Variants in PTPRM observed in about 807,000 individuals in gnomAD.
The protein encoded by PTPRM is receptor-type tyrosine-protein phosphatase mu.
In PTPRM, 47 loss-of-function variants were observed where a neutral mutation model predicts 186.7. The ratio of observed to expected loss-of-function variants is 0.25; its 90% CI spans 0.20 to 0.32. PTPRM has a LOEUF of 0.32. PTPRM is among the 10% of genes least tolerant of loss of function. The pLI is 1.00. For synonymous variants in PTPRM, 668 were observed against 674.9 expected, an observed-to-expected ratio of 0.99 and a Z score of 0.16; for missense variants, 1,494 against 1,865.0, an observed-to-expected ratio of 0.80 and a Z score of 3.66.
At chr18:8,051,145 G>A (rs995895297) in intron 7 of PTPRM, among the ~76,000 whole-genome samples, 6 of 152,260 alleles carry the variant, frequency 3.9e-5, no homozygotes, top group South Asian at 2.1e-4. Context: ...CTTTAATGAC[G>A]TATGATCTTG....
chr18:7,839,620 G>T (rs1459300169), intron 2 of PTPRM, among the ~76,000 whole-genome samples: 1 of 152,204 alleles, frequency 6.6e-6, no homozygotes, highest in Non-Finnish European at 1.5e-5. Flanking sequence ...GAGAGATGGG[G>T]TCTCTGTTGG....
At chr18:7,683,045 T>C (rs1044868134) in intron 1 of PTPRM, among the ~76,000 whole-genome samples, 2 of 152,182 alleles carry the variant, frequency 1.3e-5, no homozygotes, top group Admixed American at 6.5e-5. Flanking sequence ...TTTGAGGTCA[T>C]GTCCATGAGG....
intron 22 of PTPRM, among the ~76,000 whole-genome samples, chr18:8,325,590 AT>A: frequency 1.3e-5 from 2 of 152,120 alleles, no homozygotes; most frequent in Non-Finnish European, 2.9e-5. Flanking sequence ...GGTTGATTCC[AT>A]GTCTTTGCCA....
At chr18:7,823,173 A>G (rs2045297525) in intron 2 of PTPRM, among the ~76,000 whole-genome samples, 1 of 152,178 alleles carries the variant, frequency 6.6e-6, no homozygotes, top group Non-Finnish European at 1.5e-5. Flanking sequence ...GATGCTTACA[A>G]AGCTTCCCCA....
intron 1 of PTPRM, among the ~76,000 whole-genome samples, chr18:7,766,138 ATG>A (rs1280025658): frequency 2.0e-5 from 3 of 152,200 alleles, no homozygotes; most frequent in Non-Finnish European, 4.4e-5. Context: ...CTTGGTGAAA[ATG>A]TGTGAGTACA....
intron 14 of PTPRM, among the ~76,000 whole-genome samples, chr18:8,207,253 T>C (rs112020967): frequency 0.043 from 6,559 of 152,254 alleles, 210 homozygotes; most frequent in Middle Eastern, 0.071. Context: ...CCGGATGATA[T>C]TTCACCAGAA....
At chr18:8,255,457 T>A (rs1024724374) in intron 19 of PTPRM, among the ~76,000 whole-genome samples, 4 of 152,244 alleles carry the variant, frequency 2.6e-5, no homozygotes, top group Admixed American at 6.5e-5. Context: ...TGAAATATTA[T>A]ATACTAATTT....
At chr18:7,743,337 A>G (rs1016680340) in intron 1 of PTPRM, among the ~76,000 whole-genome samples, 1 of 152,222 alleles carries the variant, frequency 6.6e-6, no homozygotes, top group African/African-American at 2.4e-5. Context: ...TGTTACATAC[A>G]TGAAAGTTAA....
intron 20 of PTPRM, among the ~76,000 whole-genome samples, chr18:8,312,975 A>C (rs2095280737): frequency 6.6e-6 from 1 of 152,254 alleles, no homozygotes; most frequent in African/African-American, 2.4e-5. Context: ...GACAACAAAC[A>C]AAACATTTAC....
chr18:7,619,364 G>C (rs1230782456), intron 1 of PTPRM, among the ~76,000 whole-genome samples: 50 of 152,110 alleles, frequency 3.3e-4, no homozygotes, highest in Non-Finnish European at 1.5e-5. Context: ...CTTTCACTTG[G>C]GATTGACTGG....
intron 7 of PTPRM, among the ~76,000 whole-genome samples, chr18:7,960,480 T>TATATATATAC (rs1300573371): frequency 4.6e-4 from 40 of 86,596 alleles, no homozygotes; most frequent in African/African-American, 1.4e-3. Flanking sequence ...TATATATATA[T>TATATATATAC]ACACACACAC....
intron 2 of PTPRM, among the ~76,000 whole-genome samples, chr18:7,774,741 T>C (rs969487493): frequency 3.3e-5 from 5 of 152,176 alleles, no homozygotes; most frequent in African/African-American, 7.2e-5. Context: ...AAAATGGCAA[T>C]GCAAAAATGT....
intron 22 of PTPRM, among the ~76,000 whole-genome samples, chr18:8,340,401 TTA>T (rs2095467805): frequency 6.9e-6 from 1 of 145,296 alleles, no homozygotes; most frequent in Non-Finnish European, 1.6e-5. Context: ...TAATCTTTTT[TTA>T]GCGTAGGTCA....
intron 1 of PTPRM, among the ~76,000 whole-genome samples, chr18:7,657,169 T>C (rs548886513): frequency 6.6e-6 from 1 of 152,300 alleles, no homozygotes; most frequent in South Asian, 2.1e-4. Flanking sequence ...CCTCTGAGTT[T>C]AGATTTTGCC....
chr18:8,236,080 A>G (rs2094342861), intron 14 of PTPRM, among the ~76,000 whole-genome samples: 1 of 152,178 alleles, frequency 6.6e-6, no homozygotes, highest in Non-Finnish European at 1.5e-5. Flanking sequence ...AGATGTCAGT[A>G]ATATCCAGTT....
intron 4 of PTPRM, 49 bp from the exon 5 acceptor site, chr18:7,926,519 A>C (rs1568024050): frequency 1.4e-6 from 2 of 1,413,092 alleles, no homozygotes; most frequent in African/African-American, 2.9e-5. Flanking sequence ...GACATATATT[A>C]GTTACAAATC....
intron 1 of PTPRM, among the ~76,000 whole-genome samples, chr18:7,590,862 T>G (rs1024438011): frequency 6.6e-6 from 1 of 152,222 alleles, no homozygotes; most frequent in African/African-American, 2.4e-5. Context: ...TTACTTTCAG[T>G]TTTTCTGGAT....
intron 11 of PTPRM, among the ~76,000 whole-genome samples, chr18:8,089,094 A>G (rs28504250): frequency 0.017 from 2,647 of 152,292 alleles, 61 homozygotes; most frequent in African/African-American, 0.061. Flanking sequence ...AAGATAAGGA[A>G]CAAAGCACTA....
At chr18:8,265,890 TTCATGGGCGTATTC>T (rs1428193899) in intron 19 of PTPRM, among the ~76,000 whole-genome samples, 1 of 152,160 alleles carries the variant, frequency 6.6e-6, no homozygotes, top group African/African-American at 2.4e-5. Context: ...GATTTCCAGT[TTCATGGGCGTATTC>T]TCATGGATGG....
Sources: gnomAD v4.1 joint callset for allele counts (sites outside exome capture counted in the v4.1 genomes callset) on GRCh38, gnomAD v4.1.1 for gene constraint, MANE v1.5 for transcripts, NCBI Gene and HGNC (gene_info 2026-07-23, HGNC 2026-07-21) for gene names.